The following FBXO36 variants were observed in gnomAD, a reference collection of about 807,000 sequenced individuals.
FBXO36 encodes F-box only protein 36.
A neutral mutation model predicts 17.0 loss-of-function variants in FBXO36; 18 were observed. That is an observed-to-expected ratio of 1.06 (90% CI 0.73 to 1.57). FBXO36 has a LOEUF of 1.57. FBXO36 is among the 40% of genes most tolerant of loss of function. The pLI, the probability that FBXO36 is intolerant of heterozygous loss-of-function variation, is 0.00. For missense variants in FBXO36, 229 were observed against 221.9 expected (o/e 1.03, Z -0.20); for synonymous variants, 83 against 85.3 (o/e 0.97, Z 0.15).
intron 1 of FBXO36, among the ~76,000 whole-genome samples, chr2:229,948,393 G>T (rs1477869782): frequency 6.6e-6 from 1 of 152,044 alleles, no homozygotes; most frequent in Non-Finnish European, 1.5e-5. Flanking sequence ...TCTGTGTGAT[G>T]TCCCAAGGAG....
At chr2:229,929,091 G>A (rs867336215) in intron 1 of FBXO36, among the ~76,000 whole-genome samples, 4 of 150,512 alleles carry the variant, frequency 2.7e-5, no homozygotes, top group Non-Finnish European at 4.4e-5. Context: ...GTACCACCCC[G>A]CCCGGCTAAT....
chr2:229,931,177 A>G (rs929236902), intron 1 of FBXO36, among the ~76,000 whole-genome samples: 11 of 152,210 alleles, frequency 7.2e-5, no homozygotes, highest in Admixed American at 2.0e-4. Context: ...CTTAAAAATA[A>G]CAGTATTCAC....
chr2:229,971,816 C>T (rs1197111220), intron 1 of FBXO36, among the ~76,000 whole-genome samples: 7 of 151,574 alleles, frequency 4.6e-5, no homozygotes, highest in African/African-American at 1.7e-4. Context: ...AGCACAGACA[C>T]GCACCACCAA....
intron 1 of FBXO36, among the ~76,000 whole-genome samples, chr2:229,958,398 G>A (rs1390099333): frequency 1.3e-5 from 2 of 151,304 alleles, no homozygotes; most frequent in African/African-American, 4.9e-5. Flanking sequence ...AGCCTCCCGA[G>A]TAGCTGGGAC....
rs958030372 is a variant in FBXO36 at position 229,942,986 on chromosome 2, C to T, written c.96+20377C>T. 103 of 152,208 alleles carry T rather than the reference C, an allele frequency of 6.8e-4. 1 individual carries two copies. The highest frequency in any genetic ancestry group is 2.4e-3 in the African/African-American group (101 of 41,444). 9.4% of individuals were successfully genotyped at this position (152,208 alleles called of 1,614,324 possible). A position where few individuals can be genotyped will look rare whatever the true frequency, so the allele number is the denominator to read the frequency against. Reference sequence around the variant, plus strand: ...CCTTATTTTGTATGGTCCAAATAGTCTCATATGGATCCACCATCCTCAGTG... The same window carrying T: ...CCTTATTTTGTATGGTCCAAATAGTTTCATATGGATCCACCATCCTCAGTG... On this transcript the variant is annotated intron_variant, in intron 1 of 3. Coordinates refer to ENST00000283946, the MANE Select transcript of FBXO36 (RefSeq NM_174899.5).
At chr2:229,970,276 T>TG (rs367779148) in intron 1 of FBXO36, among the ~76,000 whole-genome samples, 338 of 152,178 alleles carry the variant, frequency 2.2e-3, no homozygotes, top group African/African-American at 7.9e-3. Flanking sequence ...TATCAACACT[T>TG]TGGAAGGCTG....
intron 1 of FBXO36, among the ~76,000 whole-genome samples, chr2:229,960,793 C>T (rs1272094603): frequency 6.6e-6 from 1 of 152,110 alleles, no homozygotes; most frequent in African/African-American, 2.4e-5. Context: ...TTTTGAGTGT[C>T]GTTGGAGGTA....
chr2:229,953,200 G>A (rs1020676816), intron 1 of FBXO36, among the ~76,000 whole-genome samples: 4 of 152,140 alleles, frequency 2.6e-5, no homozygotes, highest in East Asian at 1.9e-4. Flanking sequence ...TTAGCTGGAC[G>A]TGGTGGTAGG....
intron 2 of FBXO36, among the ~76,000 whole-genome samples, chr2:229,979,169 CAAAA>C (rs11368097): frequency 7.7e-6 from 1 of 129,512 alleles, no homozygotes. Context: ...TACTCTGTCT[CAAAA>C]AAAAAAAAAA....
At chr2:229,923,584 T>G (rs1396711605) in intron 1 of FBXO36, among the ~76,000 whole-genome samples, 1 of 152,054 alleles carries the variant, frequency 6.6e-6, no homozygotes, top group Non-Finnish European at 1.5e-5. Flanking sequence ...TTTTTTATAT[T>G]TTTGAAAGCA....
intron 1 of FBXO36, among the ~76,000 whole-genome samples, chr2:229,962,550 T>TTTATTTTATTTTATC (rs66793148): frequency 6.7e-6 from 1 of 149,226 alleles, no homozygotes; most frequent in Admixed American, 6.8e-5. Context: ...TTTATTTTAT[T>TTTATTTTATTTTATC]GTAGAGATAG....
At chr2:229,973,738 T>A (rs773647922) in intron 1 of FBXO36, among the ~76,000 whole-genome samples, 2 of 144,712 alleles carry the variant, frequency 1.4e-5, no homozygotes, top group African/African-American at 2.6e-5. Context: ...AAAAAAAAGT[T>A]CTTTAAAATT....
intron 3 of FBXO36, among the ~76,000 whole-genome samples, chr2:230,004,131 C>CTT (rs369135817): frequency 6.6e-6 from 1 of 152,206 alleles, no homozygotes. Flanking sequence ...TCTACTGTGC[C>CTT]TTTTGCCTTT....
At chr2:229,938,190 C>A (rs1268012724) in intron 1 of FBXO36, among the ~76,000 whole-genome samples, 320 of 131,170 alleles carry the variant, frequency 2.4e-3, no homozygotes, top group South Asian at 4.2e-3. Context: ...CCACCGCGCC[C>A]AACCGGATTG....
chr2:229,932,290 G>A lies in FBXO36; in HGVS notation c.96+9681G>A, dbSNP rs560844492. ...TATCCCAGCACTTTAGGAGGCTGAC[G>A]CGGATGGATCACCTAAGGTCAGGAG... On this transcript the variant is annotated intron_variant, in intron 1 of 3. Transcript: ENST00000283946. Among the ~76,000 whole-genome samples, 7 of 151,886 alleles carry A rather than the reference G, an allele frequency of 4.6e-5. No homozygotes were observed. In the East Asian group the frequency reaches 5.8e-4, roughly 13 times the overall value.
chr2:229,951,604 T>C (rs533364584), intron 1 of FBXO36, among the ~76,000 whole-genome samples: 16 of 152,316 alleles, frequency 1.1e-4, no homozygotes, highest in Admixed American at 8.5e-4. Flanking sequence ...CTTACTCAGG[T>C]AGACTGGAAT....
intron 1 of FBXO36, among the ~76,000 whole-genome samples, chr2:229,944,674 G>C (rs992325520): frequency 5.4e-5 from 8 of 147,532 alleles, no homozygotes; most frequent in Admixed American, 1.4e-4. Context: ...CTCACTGCAA[G>C]CTCCGCCTCC....
chr2:229,950,598 G>A (rs768192888), intron 1 of FBXO36, among the ~76,000 whole-genome samples: 2 of 152,230 alleles, frequency 1.3e-5, no homozygotes, highest in East Asian at 1.9e-4. Context: ...GCTATTATTC[G>A]CAATTCATGA....
chr2:229,930,783 C>T (rs989785085), intron 1 of FBXO36, among the ~76,000 whole-genome samples: 4 of 152,090 alleles, frequency 2.6e-5, no homozygotes, highest in Non-Finnish European at 5.9e-5. Flanking sequence ...TTTACCCCTT[C>T]GCCACTGCAC....
Sources: gnomAD v4.1 joint callset for allele counts (sites outside exome capture counted in the v4.1 genomes callset) on GRCh38, gnomAD v4.1.1 for gene constraint, MANE v1.5 for transcripts, NCBI Gene and HGNC (gene_info 2026-07-23, HGNC 2026-07-21) for gene names.